ANKRD36B: variants seen among roughly 807,000 people sequenced by gnomAD.
The protein encoded by ANKRD36B is ankyrin repeat domain-containing protein 36B.
Under a neutral mutation model 135.7 loss-of-function variants are expected in ANKRD36B, and 37 were observed. That is an observed-to-expected ratio of 0.27 (90% CI 0.21 to 0.36). The LOEUF (loss-of-function observed/expected upper bound fraction) is 0.36. Among genes scored for constraint, ANKRD36B ranks in the 10% least tolerant of loss-of-function variants. The pLI, the probability that ANKRD36B is intolerant of heterozygous loss-of-function variation, is 1.00. For missense variants in ANKRD36B, 549 were observed against 1,037.1 expected (o/e 0.53, Z 6.46); for synonymous variants, 179 against 348.1 (o/e 0.51, Z 5.41).
At chr2:97,574,700 T>C (rs945382600) in intron 6 of ANKRD36B, among the ~76,000 whole-genome samples, 14 of 152,188 alleles carry the variant, frequency 9.2e-5, no homozygotes, top group African/African-American at 3.1e-4. Flanking sequence ...TGGTTCCAGT[T>C]ACTGCTGCCA....
At chr2:97,562,866 A>G (rs2081148608) in intron 6 of ANKRD36B, among the ~76,000 whole-genome samples, 1 of 151,982 alleles carries the variant, frequency 6.6e-6, no homozygotes, top group Non-Finnish European at 1.5e-5. Context: ...CCTCTCTCCC[A>G]TAGACACTCT....
intron 3 of ANKRD36B, among the ~76,000 whole-genome samples, chr2:97,582,648 G>A (rs1343317992): frequency 6.6e-5 from 10 of 152,140 alleles, no homozygotes; most frequent in Non-Finnish European, 1.3e-4. Flanking sequence ...CTAAACACAT[G>A]TATGGGACAC....
chr2:97,557,186 C>T, intron 10 of ANKRD36B, 54 bp from the exon 11 acceptor site: 1 of 1,494,424 alleles, frequency 6.7e-7, no homozygotes, highest in Non-Finnish European at 9.0e-7. Flanking sequence ...ACAAAGTCGT[C>T]CATACATTCA....
In ANKRD36B at chr2:97,560,661, T is replaced by G. The variant is rs11681640; in HGVS notation, c.865+4A>C. 937,437 of 1,601,112 alleles carry G rather than the reference T, an allele frequency of 0.59. 296,289 individuals carry two copies. The highest frequency in any genetic ancestry group is 0.66 in the Non-Finnish European group (779,388 of 1,177,756). The stretch of plus-strand genomic sequence containing the variant: ...ATGACATTAGATGTGTTTTGCAAAA[T>G]TACCTGTCCCAGATATAGGTCCCTC... On this transcript the variant is annotated splice_donor_region_variant and intron_variant, in intron 8 of 43. Transcript: ENST00000359901.
chr2:97,555,161 T>G (rs779631372), intron 13 of ANKRD36B, 29 bp from the exon 14 acceptor site: 1 of 1,611,400 alleles, frequency 6.2e-7, no homozygotes, highest in Non-Finnish European at 8.5e-7. Flanking sequence ...AAATTATCAA[T>G]AAAGAAAGTA....
chr2:97,573,075 C>T lies in ANKRD36B; in HGVS notation c.763+3304G>A, dbSNP rs185321200. Among the ~76,000 whole-genome samples, 1,027 of 152,160 alleles carry T rather than the reference C, an allele frequency of 6.7e-3. 12 individuals carry two copies. The highest frequency in any genetic ancestry group is 0.024 in the African/African-American group (990 of 41,500). On this transcript the variant is annotated intron_variant, in intron 6 of 43. Coordinates refer to ENST00000359901, the MANE Select transcript of ANKRD36B (RefSeq NM_001393939.1). ...CTATCCCTCCCCACTCCCCCCACCC[C>T]ACAACAGTCCCCGGTGGGTGATGTT...
chr2:97,549,769 G>C (rs1298888759), intron 18 of ANKRD36B, among the ~76,000 whole-genome samples, 155 bp from the exon 19 acceptor site: 2 of 151,928 alleles, frequency 1.3e-5, no homozygotes, highest in Admixed American at 6.6e-5. Flanking sequence ...GAACGTGACA[G>C]AAATGCACTG....
At chr2:97,548,565 T>C (rs1010893311) in intron 20 of ANKRD36B, among the ~76,000 whole-genome samples, 8 of 151,958 alleles carry the variant, frequency 5.3e-5, no homozygotes, top group Non-Finnish European at 7.4e-5. Flanking sequence ...TCCAGCATAA[T>C]TTTTGTTTCT....
At position 97,513,228 on chromosome 2, in the gene ANKRD36B, G is replaced by A. The variant is rs144708060; in HGVS notation, c.2757C>T (p.Leu919=). The A allele has an allele frequency of 1.3e-6, 2 of 1,517,500 alleles. No homozygotes were observed. The highest frequency in any genetic ancestry group is 2.4e-5 in the South Asian group (2 of 83,666). The allele number at this position is 1,517,500 out of a possible 1,614,324, so 94.0% of individuals were successfully genotyped here. A position where few individuals can be genotyped will look rare whatever the true frequency, so the allele number is the denominator to read the frequency against. The change falls in exon 38 of 44, where the codon CTC becomes CTT. Residue 919 remains leucine, a synonymous_variant. Coordinates refer to ENST00000359901, the MANE Select transcript of ANKRD36B (RefSeq NM_001393939.1). ...TCTTCAATTCCACCTCTGCTGATTT[G>A]AGAGCCGGTTTAATTGGTTTTGTCA... The part of the protein sequence containing the change: ...ADVTKPIKPA[L]KSAEVELKTG...
chr2:97,587,034 G>C (rs1161728855), intron 1 of ANKRD36B, among the ~76,000 whole-genome samples: 2 of 152,104 alleles, frequency 1.3e-5, no homozygotes, highest in Non-Finnish European at 2.9e-5. Flanking sequence ...AATTAGCTGG[G>C]CATGGTGGCG....
chr2:97,580,457 T>C lies in ANKRD36B; in HGVS notation c.557+5A>G, dbSNP rs1335327948. ...AAACAACACAATAAGAACTAAGGTCTGTACCTGCCAAGATAATCAATGGCA... is the reference window on the plus strand; with the variant it reads ...AAACAACACAATAAGAACTAAGGTCCGTACCTGCCAAGATAATCAATGGCA... On this transcript the variant is annotated splice_donor_5th_base_variant and intron_variant, in intron 4 of 43. Transcript: ENST00000359901. The C allele has an allele frequency of 6.5e-7, 1 of 1,542,820 alleles. No individual in the cohort carries two copies. The highest frequency in any genetic ancestry group is 1.2e-5 in the South Asian group (1 of 83,410).
chr2:97,551,648 A>G (rs972454195), intron 16 of ANKRD36B, among the ~76,000 whole-genome samples, 168 bp from the exon 17 acceptor site: 6 of 151,932 alleles, frequency 3.9e-5, no homozygotes, highest in African/African-American at 1.4e-4. Flanking sequence ...ATACACTGAG[A>G]AAAGGAAACA....
intron 8 of ANKRD36B, among the ~76,000 whole-genome samples, chr2:97,560,041 C>T (rs3931134): frequency 0.56 from 84,493 of 151,714 alleles, 25,153 homozygotes; most frequent in Non-Finnish European, 0.67. Context: ...AATTCTAGCA[C>T]TGTTTCCTGC....
At position 97,544,049 on chromosome 2, in the gene ANKRD36B, C is replaced by A; in HGVS notation, c.1682-64G>T. On this transcript the variant is annotated intron_variant, in intron 24 of 43. Transcript: ENST00000359901. ...ATATGATAAAGTTATCCATACATTC[C>A]TGCACTGTTGGCATCAAGATGTATC... is the stretch of plus-strand genomic sequence containing the variant. 4.3e-5 allele frequency: 5 copies of A among 117,206 alleles called. 1 individual carries two copies. The East Asian group carries it at 5.2e-4, about 12-fold the overall frequency. The allele number at this position is 117,206 out of a possible 1,614,324, so 7.3% of individuals were successfully genotyped here.
intron 16 of ANKRD36B, among the ~76,000 whole-genome samples, chr2:97,552,451 A>T (rs2080151995): frequency 1.3e-5 from 2 of 151,936 alleles, no homozygotes; most frequent in South Asian, 4.1e-4. Flanking sequence ...TCTCATTTCT[A>T]TAACTAAAAT....
At position 97,580,684 on chromosome 2, in the gene ANKRD36B, G is replaced by A. The variant is rs60148286; in HGVS notation, c.451-116C>T. Reference sequence around the variant, plus strand: ...ATATACAATTGAAAGGTCGTAAGAGGTAGTCCCTTTCTTTTCCCTCCTCGG... The same window carrying A: ...ATATACAATTGAAAGGTCGTAAGAGATAGTCCCTTTCTTTTCCCTCCTCGG... On this transcript the variant is annotated intron_variant, in intron 3 of 43. Transcript: ENST00000359901. The A allele has an allele frequency of 1.9e-3, 1,831 of 939,352 alleles. 35 individuals carry two copies. The African/African-American group carries it at 0.03, about 15-fold the overall frequency. The allele number at this position is 939,352 out of a possible 1,614,324, so 58.2% of individuals were successfully genotyped here.
intron 6 of ANKRD36B, among the ~76,000 whole-genome samples, chr2:97,565,143 T>A (rs1469143778): frequency 6.6e-6 from 1 of 152,156 alleles, no homozygotes; most frequent in Admixed American, 6.6e-5. Context: ...GTGTATCGGA[T>A]TTCACTCATG....
At chr2:97,554,997 G>A in intron 14 of ANKRD36B, 63 bp downstream of exon 14, 2 of 1,564,858 alleles carry the variant, frequency 1.3e-6, no homozygotes, top group South Asian at 1.1e-5. Context: ...TGATTTATTT[G>A]GGGAAGAGAA....
chr2:97,585,229 T>A lies in ANKRD36B; in HGVS notation c.276+55A>T. The A allele has an allele frequency of 1.9e-6, 3 of 1,560,060 alleles. No homozygotes were observed. The South Asian group carries it at 3.5e-5, about 18-fold the overall frequency. On this transcript the variant is annotated intron_variant, in intron 2 of 43. Coordinates refer to ENST00000359901, the MANE Select transcript of ANKRD36B (RefSeq NM_001393939.1). ...ATTCCAATGAGATAAATTCATTTTATCCTATGTACTTCAACCAAATCCATC... is the reference window on the plus strand; with the variant it reads ...ATTCCAATGAGATAAATTCATTTTAACCTATGTACTTCAACCAAATCCATC...
Sources: gnomAD v4.1 joint callset for allele counts (sites outside exome capture counted in the v4.1 genomes callset) on GRCh38, gnomAD v4.1.1 for gene constraint, MANE v1.5 for transcripts, NCBI Gene and HGNC (gene_info 2026-07-23, HGNC 2026-07-21) for gene names.